CSMD1: variants seen among roughly 807,000 people sequenced by gnomAD.
The protein encoded by CSMD1 is CUB and sushi domain-containing protein 1.
CSMD1 carries 213 observed loss-of-function variants against 417.5 expected under a neutral mutation model. That is an observed-to-expected ratio of 0.51 (90% confidence interval 0.46 to 0.57). The LOEUF (loss-of-function observed/expected upper bound fraction) is 0.57, where lower values mean the gene tolerates loss of function less well. Ranked by LOEUF, CSMD1 falls within the 20% of genes least tolerant of loss-of-function variation. The pLI is 0.00. For missense variants in CSMD1, 6,923 were observed against 4,529.7 expected (o/e 1.53, Z -15.17); for synonymous variants, 2,862 against 1,736.8 (o/e 1.65, Z -16.11).
chr8:4,490,026 T>C (rs540934603), intron 2 of CSMD1, among the ~76,000 whole-genome samples: 204 of 147,570 alleles, frequency 1.4e-3, no homozygotes, highest in Non-Finnish European at 2.5e-3. Context: ...CAATTTACGA[T>C]ACTCAGGTAC....
chr8:4,808,637 A>G (rs554995072), intron 1 of CSMD1, among the ~76,000 whole-genome samples: 7 of 152,326 alleles, frequency 4.6e-5, no homozygotes, highest in African/African-American at 1.7e-4. Flanking sequence ...GCCAGCAATC[A>G]TACCAACAGC....
chr8:4,028,045 T>C (rs191244252), intron 4 of CSMD1, among the ~76,000 whole-genome samples: 1 of 152,280 alleles, frequency 6.6e-6, no homozygotes, highest in East Asian at 1.9e-4. Flanking sequence ...GGTTTAGGTT[T>C]TGAGGCCACC....
chr8:4,881,725 T>A (rs1018906239), intron 1 of CSMD1, among the ~76,000 whole-genome samples: 4 of 151,910 alleles, frequency 2.6e-5, no homozygotes, highest in African/African-American at 7.3e-5. Context: ...ATAAAAAGCA[T>A]GCAGCAGTGG....
chr8:3,231,056 G>T (rs1453216839), intron 26 of CSMD1, among the ~76,000 whole-genome samples: 1 of 151,982 alleles, frequency 6.6e-6, no homozygotes, highest in Non-Finnish European at 1.5e-5. Context: ...CTCTGCCTGC[G>T]CCTAATCACA....
At chr8:4,960,762 G>C (rs562259997) in intron 1 of CSMD1, among the ~76,000 whole-genome samples, 13 of 152,102 alleles carry the variant, frequency 8.5e-5, no homozygotes, top group African/African-American at 1.2e-4. Flanking sequence ...GGGTACACAA[G>C]TTTCTTACAT....
At chr8:3,950,000 C>T (rs1811499060) in intron 5 of CSMD1, 6 of 455,846 alleles carry the variant, frequency 1.3e-5, no homozygotes, top group Middle Eastern at 3.2e-4. Context: ...TTACCCACTA[C>T]ATTTGCCAGG....
chr8:4,184,438 A>G (rs1026198408), intron 3 of CSMD1, among the ~76,000 whole-genome samples: 7 of 152,178 alleles, frequency 4.6e-5, no homozygotes, highest in African/African-American at 1.7e-4. Flanking sequence ...ACTATTCACA[A>G]TATCAAAGGC....
At chr8:4,520,885 T>C (rs1312426965) in intron 2 of CSMD1, among the ~76,000 whole-genome samples, 1 of 152,182 alleles carries the variant, frequency 6.6e-6, no homozygotes, top group African/African-American at 2.4e-5. Flanking sequence ...TTATTGCTGA[T>C]GACATGTTGA....
chr8:2,958,572 G>T (rs534676171), intron 62 of CSMD1, among the ~76,000 whole-genome samples: 27 of 152,182 alleles, frequency 1.8e-4, no homozygotes, highest in African/African-American at 5.3e-4. Context: ...AGCTATGGTC[G>T]TGTGTTGAGG....
In CSMD1 at chr8:4,447,300, A is replaced by C. The variant is rs1798872873; in HGVS notation, c.303-27235T>G. 2.6e-5 allele frequency among the ~76,000 whole-genome samples: 4 copies of C among 152,324 alleles called. No homozygotes were observed. In the South Asian group the frequency reaches 8.3e-4, roughly 32 times the overall value. ...AAATCAAAGTCTGAGGCAGACCGTG[A>C]TCATTATTATTACAATGAATTATCA... is the stretch of plus-strand genomic sequence containing the variant. On this transcript the variant is annotated intron_variant, in intron 2 of 69. Transcript: ENST00000635120.
intron 16 of CSMD1, among the ~76,000 whole-genome samples, chr8:3,398,218 G>A (rs1039183408): frequency 1.3e-4 from 20 of 152,020 alleles, no homozygotes; most frequent in South Asian, 6.2e-4. Flanking sequence ...CTTCAGCTCC[G>A]CCTGCCAATA....
At chr8:3,837,088 G>T (rs898716989) in intron 5 of CSMD1, among the ~76,000 whole-genome samples, 1 of 151,052 alleles carries the variant, frequency 6.6e-6, no homozygotes, top group Non-Finnish European at 1.5e-5. Context: ...TAGGAAGAAC[G>T]CTACCATTGA....
chr8:4,273,839 A>G (rs1212922005), intron 3 of CSMD1, among the ~76,000 whole-genome samples: 3 of 152,156 alleles, frequency 2.0e-5, no homozygotes, highest in Admixed American at 2.0e-4. Flanking sequence ...ATGGTTGTGA[A>G]GGTGAAATGA....
intron 3 of CSMD1, among the ~76,000 whole-genome samples, chr8:4,104,421 CACAT>C (rs1427723002): frequency 2.7e-5 from 4 of 148,350 alleles, no homozygotes. Flanking sequence ...CACGCACACA[CACAT>C]GCGCACACGC....
In CSMD1 at chr8:4,042,718, G is replaced by T. The variant is rs1797952267; in HGVS notation, c.416-10619C>A. Among the ~76,000 whole-genome samples the T allele has an allele frequency of 4.0e-5, 6 of 148,834 alleles. No individual in the cohort carries two copies. The South Asian group carries it at 1.3e-3, about 32-fold the overall frequency. ...TTAGGTTTCTAACATATGTAGAAGT[G>T]ACAGAAATGACAGCAATACCACAGA... On this transcript the variant is annotated intron_variant, in intron 3 of 69. Transcript: ENST00000635120.
chr8:3,020,653 T>A (rs1254283407), intron 51 of CSMD1, among the ~76,000 whole-genome samples: 2 of 152,156 alleles, frequency 1.3e-5, no homozygotes, highest in African/African-American at 4.8e-5. Context: ...CCAGACCTTT[T>A]AATTAAGCTG....
At chr8:3,531,344 C>A (rs533520239) in intron 10 of CSMD1, among the ~76,000 whole-genome samples, 1 of 152,128 alleles carries the variant, frequency 6.6e-6, no homozygotes, top group East Asian at 1.9e-4. Context: ...TTTTTAGCCC[C>A]TATCCGACTT....
intron 25 of CSMD1, among the ~76,000 whole-genome samples, chr8:3,303,346 A>G (rs1044187512): frequency 2.0e-5 from 3 of 152,168 alleles, no homozygotes; most frequent in African/African-American, 7.2e-5. Flanking sequence ...TTTCACTCTA[A>G]TCTCTCTAAA....
intron 3 of CSMD1, among the ~76,000 whole-genome samples, chr8:4,086,593 T>C (rs1800433477): frequency 6.6e-6 from 1 of 152,206 alleles, no homozygotes; most frequent in Non-Finnish European, 1.5e-5. Context: ...TGATGCAGCT[T>C]AACCTTGAAT....
Sources: gnomAD v4.1 joint callset for allele counts (sites outside exome capture counted in the v4.1 genomes callset) on GRCh38, gnomAD v4.1.1 for gene constraint, MANE v1.5 for transcripts, NCBI Gene and HGNC (gene_info 2026-07-23, HGNC 2026-07-21) for gene names.